Variants in BNC1 observed in about 807,000 individuals in gnomAD.
BNC1 encodes the protein basonuclin zinc finger protein 1.
In BNC1, 8 loss-of-function variants were observed where a neutral mutation model predicts 66.5. The observed-to-expected ratio is 0.12, with a 90% CI of 0.07 to 0.22. The LOEUF (loss-of-function observed/expected upper bound fraction) is 0.22. Ranked by LOEUF, BNC1 falls within the 10% of genes least tolerant of loss-of-function variation. BNC1 has a pLI of 1.00. For missense variants in BNC1, 1,069 were observed against 1,241.3 expected (o/e 0.86, Z 2.09); for synonymous variants, 454 against 452.6 (o/e 1.00, Z -0.04).
rs771068669 is a variant in BNC1, at chr15:83,266,033, A to G, written c.435+803T>C. On this transcript the variant is annotated intron_variant, in intron 3 of 4. Transcript: ENST00000345382. ...GAAAATACAATGCTGTAGCTGTTTCATATCTTAAAGGAATGATGCTTCATC... is the reference window on the plus strand; with the variant it reads ...GAAAATACAATGCTGTAGCTGTTTCGTATCTTAAAGGAATGATGCTTCATC... 2.6e-5 allele frequency among the ~76,000 whole-genome samples: 4 copies of G among 152,276 alleles called. No individual in the cohort carries two copies. In the Middle Eastern group the frequency reaches 0.014, roughly 518 times the overall value.
chr15:83,275,883 C>CT (rs112918648), intron 1 of BNC1, among the ~76,000 whole-genome samples: 7,283 of 146,062 alleles, frequency 0.05, 493 homozygotes, highest in African/African-American at 0.14. Context: ...AACAGTAAGC[C>CT]TTTTTTTTTT....
chr15:83,282,070 C>A (rs2038384911), intron 1 of BNC1, among the ~76,000 whole-genome samples: 1 of 152,212 alleles, frequency 6.6e-6, no homozygotes, highest in Non-Finnish European at 1.5e-5. Context: ...AGAACTTTAA[C>A]CACTTTCTGA....
At position 83,257,235 on chromosome 15, in the gene BNC1, T is replaced by C. The variant is rs1415308068; in HGVS notation, c.*207A>G. On this transcript the variant is annotated 3_prime_UTR_variant, in exon 5 of 5. Transcript: ENST00000345382. ...TGTATCAGTGAAAGACCTCTTGGGCTAAGAAAAATAATAGGAAGGGCTGCC... is the reference window on the plus strand; with the variant it reads ...TGTATCAGTGAAAGACCTCTTGGGCCAAGAAAAATAATAGGAAGGGCTGCC... 3.2e-6 allele frequency: 2 copies of C among 617,414 alleles called. No individual in the cohort carries two copies. Among genetic ancestry groups the C allele is most frequent in the Admixed American group, 3.2e-5 (1 of 31,204 alleles). 38.2% of individuals were successfully genotyped at this position (617,414 alleles called of 1,614,324 possible). A position where few individuals can be genotyped will look rare whatever the true frequency, so the allele number is the denominator to read the frequency against.
chr15:83,264,218 G>T lies in BNC1; in HGVS notation c.1033C>A (p.Pro345Thr). 1 of 1,614,160 alleles carries T rather than the reference G, an allele frequency of 6.2e-7. No homozygotes were observed. Among genetic ancestry groups the T allele is most frequent in the Non-Finnish European group, 8.5e-7 (1 of 1,180,038 alleles). The change falls in exon 4 of 5, where the codon CCT (proline) becomes ACT (threonine). Residue 345 changes from proline to threonine, a missense_variant. Pro to Thr is a conservative substitution (Grantham distance 38, BLOSUM62 -1). Coordinates refer to ENST00000345382, the MANE Select transcript of BNC1 (RefSeq NM_001717.4). ...TQLSPEAKVK[P>T]ERNSLGTKKG... ...TTTGTACCAAGGCTATTCCTCTCAG[G>T]CTTCACTTTGGCCTCAGGGGATAAC...
At chr15:83,281,674 T>G (rs2038380023) in intron 1 of BNC1, among the ~76,000 whole-genome samples, 1 of 152,264 alleles carries the variant, frequency 6.6e-6, no homozygotes. Context: ...AAAAGACACT[T>G]CTGCCCCCCA....
intron 4 of BNC1, among the ~76,000 whole-genome samples, chr15:83,258,748 T>C (rs1008936800): frequency 3.3e-5 from 5 of 152,192 alleles, no homozygotes; most frequent in Non-Finnish European, 5.9e-5. Context: ...TGTCCAATGA[T>C]AGCCACTAGC....
intron 3 of BNC1, among the ~76,000 whole-genome samples, chr15:83,265,903 G>T (rs2038212738): frequency 6.6e-6 from 1 of 152,094 alleles, no homozygotes; most frequent in African/African-American, 2.4e-5. Flanking sequence ...TAATTACATG[G>T]CCTACCTCAG....
intron 4 of BNC1, among the ~76,000 whole-genome samples, chr15:83,258,340 C>G (rs2038105961): frequency 6.6e-6 from 1 of 152,220 alleles, no homozygotes; most frequent in African/African-American, 2.4e-5. Context: ...ACCAGGAAAG[C>G]CGACAGTCTG....
rs1474716998 is a variant in BNC1 at position 83,264,219 on chromosome 15, C to T, written c.1032G>A (p.Lys344=). Residue 344 remains lysine, a synonymous_variant, in exon 4 of 5, where the codon AAG becomes AAA. Coordinates refer to ENST00000345382, the MANE Select transcript of BNC1 (RefSeq NM_001717.4). ...RTQLSPEAKV[K]PERNSLGTKK... ...TTGTACCAAGGCTATTCCTCTCAGG[C>T]TTCACTTTGGCCTCAGGGGATAACT... 1 of 1,614,230 alleles carries T rather than the reference C, an allele frequency of 6.2e-7. No homozygotes were observed. The highest frequency in any genetic ancestry group is 1.1e-5 in the South Asian group (1 of 91,088).
At chr15:83,264,859 C>A in intron 3 of BNC1, 44 bp from the exon 4 acceptor site, 1 of 1,561,294 alleles carries the variant, frequency 6.4e-7, no homozygotes, top group Non-Finnish European at 8.7e-7. Flanking sequence ...ATTTACAACT[C>A]CTTACCCTTT....
intron 1 of BNC1, among the ~76,000 whole-genome samples, chr15:83,270,990 C>T (rs2038264309): frequency 6.6e-6 from 1 of 152,112 alleles, no homozygotes. Flanking sequence ...ATTATTAAAA[C>T]ACAGGCTGGG....
intron 3 of BNC1, among the ~76,000 whole-genome samples, chr15:83,265,414 T>C (rs1343309597): frequency 1.3e-5 from 2 of 152,202 alleles, no homozygotes; most frequent in African/African-American, 4.8e-5. Context: ...ACAATAAATA[T>C]TTTATCACAG....
intron 1 of BNC1, among the ~76,000 whole-genome samples, chr15:83,279,080 T>G (rs2038354036): frequency 6.6e-6 from 1 of 152,212 alleles, no homozygotes; most frequent in East Asian, 1.9e-4. Flanking sequence ...AATTAGAAAT[T>G]TAATGACATT....
intron 1 of BNC1, among the ~76,000 whole-genome samples, chr15:83,276,437 GAACAA>G (rs1190471189): frequency 6.6e-6 from 1 of 152,222 alleles, no homozygotes; most frequent in Non-Finnish European, 1.5e-5. Flanking sequence ...ACGAATGATT[GAACAA>G]ATCAATGAGA....
intron 4 of BNC1, among the ~76,000 whole-genome samples, chr15:83,262,465 T>C (rs1246883261): frequency 2.0e-5 from 3 of 152,208 alleles, no homozygotes; most frequent in Non-Finnish European, 4.4e-5. Context: ...GTTAATGCCC[T>C]ATAATAAATC....
In BNC1 at chr15:83,272,394, C is replaced by CTTTTTTTTTT. The variant is rs750429207; in HGVS notation, c.100-4172_100-4163dup. Among the ~76,000 whole-genome samples, 209 of 122,680 alleles carry CTTTTTTTTTT rather than the reference C, an allele frequency of 1.7e-3. 9 individuals are homozygous for CTTTTTTTTTT. Among genetic ancestry groups the CTTTTTTTTTT allele is most frequent in the African/African-American group, 5.4e-3 (158 of 29,260 alleles). The allele number at this position is 122,680 out of a possible 152,430, so 80.5% of individuals were successfully genotyped here. A position where few individuals can be genotyped will look rare whatever the true frequency, so the allele number is the denominator to read the frequency against. ...TACAGGCATGCACCACCACACCTGGCTTTTTTTTTTTTTTTGTATTTTTAG... is the reference window on the plus strand; with the variant it reads ...TACAGGCATGCACCACCACACCTGGCTTTTTTTTTTTTTTTTTTTTTTTTTGTATTTTTAG... On this transcript the variant is annotated intron_variant, in intron 1 of 4. Transcript: ENST00000345382.
At chr15:83,278,004 T>G (rs772203303) in intron 1 of BNC1, among the ~76,000 whole-genome samples, 4 of 152,204 alleles carry the variant, frequency 2.6e-5, no homozygotes, top group Non-Finnish European at 5.9e-5. Flanking sequence ...TTGTTTTTCT[T>G]ACATATGAAA....
chr15:83,271,771 C>A (rs2038271658), intron 1 of BNC1, among the ~76,000 whole-genome samples: 1 of 152,154 alleles, frequency 6.6e-6, no homozygotes, highest in Non-Finnish European at 1.5e-5. Flanking sequence ...AAACACTGTT[C>A]TAATGACAGA....
chr15:83,280,314 A>G (rs1320088249), intron 1 of BNC1, among the ~76,000 whole-genome samples: 1 of 152,218 alleles, frequency 6.6e-6, no homozygotes, highest in African/African-American at 2.4e-5. Flanking sequence ...CAAAAAACCA[A>G]AAGATATTAA....
Sources: gnomAD v4.1 joint callset for allele counts (sites outside exome capture counted in the v4.1 genomes callset) on GRCh38, gnomAD v4.1.1 for gene constraint, MANE v1.5 for transcripts, NCBI Gene and HGNC (gene_info 2026-07-23, HGNC 2026-07-21) for gene names.